XKR4: variants seen among roughly 807,000 people sequenced by gnomAD.
XKR4 encodes XK related 4, also known as XK-related protein 4.
A neutral mutation model predicts 53.9 loss-of-function variants in XKR4; 12 were observed. That is an observed-to-expected ratio of 0.22 (90% CI 0.14 to 0.36). The LOEUF (loss-of-function observed/expected upper bound fraction) is 0.36. Ranked by LOEUF, XKR4 falls within the 10% of genes least tolerant of loss-of-function variation. XKR4 has a pLI of 1.00. For synonymous variants in XKR4, 354 were observed against 362.4 expected (o/e 0.98, Z 0.26); for missense variants, 799 against 859.5 (o/e 0.93, Z 0.88).
rs78898341 is a variant in XKR4, at chr8:55,235,746, A to G, written c.807-121932A>G. Among the ~76,000 whole-genome samples the G allele has an allele frequency of 9.2e-5, 14 of 152,234 alleles. No homozygotes were observed. In the East Asian group the frequency reaches 2.3e-3, roughly 25 times the overall value. Reference sequence around the variant, plus strand: ...ATGACGCTGCAGCAATAGAAAGGAAAATGTAAGCCAAACCAGTGCCCAGCC... The same window carrying G: ...ATGACGCTGCAGCAATAGAAAGGAAGATGTAAGCCAAACCAGTGCCCAGCC... On this transcript the variant is annotated intron_variant, in intron 1 of 2. Coordinates refer to ENST00000327381, the MANE Select transcript of XKR4 (RefSeq NM_052898.2).
At chr8:55,382,137 T>A (rs1804244159) in intron 2 of XKR4, among the ~76,000 whole-genome samples, 1 of 152,226 alleles carries the variant, frequency 6.6e-6, no homozygotes, top group Non-Finnish European at 1.5e-5. Flanking sequence ...TTTTCCCATT[T>A]TAAATGGCCA....
chr8:55,378,689 T>G (rs1197327019), intron 2 of XKR4, among the ~76,000 whole-genome samples: 1 of 152,008 alleles, frequency 6.6e-6, no homozygotes, highest in African/African-American at 2.4e-5. Context: ...CATAAAAAGG[T>G]GGAGAGAGAG....
chr8:55,194,884 T>A (rs1388186085), intron 1 of XKR4, among the ~76,000 whole-genome samples: 1 of 152,202 alleles, frequency 6.6e-6, no homozygotes, highest in African/African-American at 2.4e-5. Flanking sequence ...TTCTTTGCTT[T>A]TCATAAAATT....
At chr8:55,388,045 T>A (rs1230191821) in intron 2 of XKR4, among the ~76,000 whole-genome samples, 10 of 152,206 alleles carry the variant, frequency 6.6e-5, no homozygotes, top group Non-Finnish European at 1.2e-4. Flanking sequence ...AGTAATTTTT[T>A]AAAAAATAAT....
intron 1 of XKR4, among the ~76,000 whole-genome samples, chr8:55,156,815 C>A (rs2129356360): frequency 6.6e-6 from 1 of 152,280 alleles, no homozygotes; most frequent in Admixed American, 6.5e-5. Context: ...GCCCCCTGGG[C>A]CAGCATGTAA....
intron 1 of XKR4, among the ~76,000 whole-genome samples, chr8:55,327,725 TA>T (rs1372446440): frequency 2.6e-5 from 4 of 152,212 alleles, no homozygotes; most frequent in Non-Finnish European, 4.4e-5. Context: ...TCTTTGGTCA[TA>T]AAGAACCATA....
At chr8:55,427,278 A>G (rs1309939830) in intron 2 of XKR4, among the ~76,000 whole-genome samples, 1 of 152,258 alleles carries the variant, frequency 6.6e-6, no homozygotes, top group Non-Finnish European at 1.5e-5. Flanking sequence ...AAGTTAAAAA[A>G]TAAAAGGATG....
intron 2 of XKR4, among the ~76,000 whole-genome samples, chr8:55,398,029 A>G (rs911118759): frequency 2.0e-5 from 3 of 152,208 alleles, no homozygotes; most frequent in African/African-American, 7.2e-5. Context: ...GTGAAAATCT[A>G]TCTAGTCTTT....
chr8:55,492,006 G>A (rs1325365334), intron 2 of XKR4, among the ~76,000 whole-genome samples: 1 of 152,176 alleles, frequency 6.6e-6, no homozygotes, highest in Non-Finnish European at 1.5e-5. Context: ...TCCCCACAAA[G>A]TTCAGCCATC....
At chr8:55,418,207 G>A (rs894905557) in intron 2 of XKR4, among the ~76,000 whole-genome samples, 13 of 152,156 alleles carry the variant, frequency 8.5e-5, no homozygotes, top group African/African-American at 1.4e-4. Context: ...GACACAGGCT[G>A]TACTCATGGA....
intron 1 of XKR4, among the ~76,000 whole-genome samples, chr8:55,154,052 G>A (rs1816874343): frequency 6.6e-6 from 1 of 152,154 alleles, no homozygotes; most frequent in Non-Finnish European, 1.5e-5. Context: ...ACAGATTAGA[G>A]AGTATATGGC....
At chr8:55,434,933 T>C (rs1219568889) in intron 2 of XKR4, among the ~76,000 whole-genome samples, 2 of 152,206 alleles carry the variant, frequency 1.3e-5, no homozygotes, top group African/African-American at 4.8e-5. Context: ...CAGCCCATCA[T>C]GCAACTCCTT....
intron 2 of XKR4, among the ~76,000 whole-genome samples, chr8:55,414,213 G>C (rs531891018): frequency 6.6e-6 from 1 of 152,138 alleles, no homozygotes; most frequent in African/African-American, 2.4e-5. Flanking sequence ...ATATTAAATA[G>C]AGGCCTTGTC....
intron 2 of XKR4, among the ~76,000 whole-genome samples, chr8:55,473,571 C>T (rs1432259732): frequency 6.6e-6 from 1 of 152,152 alleles, no homozygotes; most frequent in Non-Finnish European, 1.5e-5. Context: ...AAGGCAGACA[C>T]TGTCAATTAT....
At chr8:55,263,932 G>C (rs1818565013) in intron 1 of XKR4, among the ~76,000 whole-genome samples, 1 of 152,202 alleles carries the variant, frequency 6.6e-6, no homozygotes, top group Non-Finnish European at 1.5e-5. Context: ...AATGGTCATT[G>C]CAGGTGTATT....
chr8:55,160,462 G>C (rs143605277), intron 1 of XKR4, among the ~76,000 whole-genome samples: 30 of 152,308 alleles, frequency 2.0e-4, no homozygotes, highest in African/African-American at 7.0e-4. Flanking sequence ...TAGTGGGATG[G>C]TGGGCCTAAG....
intron 1 of XKR4, among the ~76,000 whole-genome samples, chr8:55,104,261 C>T (rs538244705): frequency 1.1e-5 from 1 of 88,562 alleles, no homozygotes; most frequent in African/African-American, 3.9e-5. Context: ...GATTTCGAAG[C>T]AATATTTTAC....
chr8:55,198,627 T>C (rs1817534931), intron 1 of XKR4, among the ~76,000 whole-genome samples: 1 of 152,176 alleles, frequency 6.6e-6, no homozygotes, highest in African/African-American at 2.4e-5. Context: ...TAGAAAATTA[T>C]AGTAAAATAC....
At chr8:55,116,728 G>T (rs185274717) in intron 1 of XKR4, among the ~76,000 whole-genome samples, 6 of 152,288 alleles carry the variant, frequency 3.9e-5, no homozygotes, top group Non-Finnish European at 7.4e-5. Context: ...GTGTTGCTAT[G>T]CTGTCACTTT....
Sources: gnomAD v4.1 joint callset for allele counts (sites outside exome capture counted in the v4.1 genomes callset) on GRCh38, gnomAD v4.1.1 for gene constraint, MANE v1.5 for transcripts, NCBI Gene and HGNC (gene_info 2026-07-23, HGNC 2026-07-21) for gene names.